ZNF536: variants seen among roughly 807,000 people sequenced by gnomAD.
The protein encoded by ZNF536 is zinc finger protein 536.
A neutral mutation model predicts 84.5 loss-of-function variants in ZNF536; 13 were observed. The observed-to-expected ratio is 0.15, with a 90% confidence interval of 0.10 to 0.24. The LOEUF is 0.24. Ranked by LOEUF, ZNF536 falls within the 10% of genes least tolerant of loss-of-function variation. ZNF536 has a pLI of 1.00. For missense variants in ZNF536, 1,536 were observed against 1,747.5 expected (o/e 0.88, Z 2.16); for synonymous variants, 811 against 742.5 (o/e 1.09, Z -1.50).
rs755923055 is a variant in ZNF536, at chr19:30,443,730, CGAG to C, written c.172_174del (p.Glu58del). ...CCGAGCTCCATCCCCGGCCCAACCCCGAGGAGAAGCCCCCCGCATCCCTGGAGG... is the reference window on the plus strand; with the variant it reads ...CCGAGCTCCATCCCCGGCCCAACCCCGAGAAGCCCCCCGCATCCCTGGAGG... On this transcript the variant is annotated inframe_deletion, in exon 2 of 5. Transcript: ENST00000355537. The C allele has an allele frequency of 1.9e-5, 30 of 1,613,008 alleles. No individual in the cohort carries two copies. The highest frequency in any genetic ancestry group is 2.4e-5 in the Non-Finnish European group (28 of 1,179,686).
intron 2 of ZNF536, among the ~76,000 whole-genome samples, chr19:30,290,711 G>A (rs1157821352): frequency 2.0e-5 from 3 of 152,174 alleles, no homozygotes; most frequent in Non-Finnish European, 4.4e-5. Flanking sequence ...TGGGATACAT[G>A]TGTAGAATGT....
intron 1 of ZNF536, among the ~76,000 whole-genome samples, chr19:30,389,492 C>T (rs903536054): frequency 4.6e-5 from 7 of 152,188 alleles, no homozygotes; most frequent in African/African-American, 1.7e-4. Context: ...CCATGCTTCA[C>T]AGCTCAGAAA....
intron 1 of ZNF536, among the ~76,000 whole-genome samples, chr19:30,425,377 C>T (rs1053701066): frequency 2.0e-5 from 3 of 152,150 alleles, no homozygotes; most frequent in Non-Finnish European, 2.9e-5. Context: ...GGACTCCTTT[C>T]GTTTCCAGTG....
At chr19:30,638,252 T>C (rs1290928493) in intron 1 of ZNF536, among the ~76,000 whole-genome samples, 3 of 152,368 alleles carry the variant, frequency 2.0e-5, no homozygotes, top group African/African-American at 4.8e-5. Context: ...TAAGGACTTT[T>C]AAGGTCTTAA....
At chr19:30,401,877 C>T (rs913835015) in intron 1 of ZNF536, among the ~76,000 whole-genome samples, 2 of 152,156 alleles carry the variant, frequency 1.3e-5, no homozygotes, top group Admixed American at 1.3e-4. Flanking sequence ...ATTTTTGTGA[C>T]AACTTATTTG....
intron 1 of ZNF536, among the ~76,000 whole-genome samples, chr19:30,427,927 A>G (rs1453397716): frequency 6.6e-6 from 1 of 151,918 alleles, no homozygotes; most frequent in Non-Finnish European, 1.5e-5. Context: ...TAAAAATGGA[A>G]CCTTGCTATT....
intron 1 of ZNF536, among the ~76,000 whole-genome samples, chr19:30,267,461 A>G (rs1474710204): frequency 6.6e-6 from 1 of 152,182 alleles, no homozygotes; most frequent in African/African-American, 2.4e-5. Context: ...TAGCACACGC[A>G]GAATAAAGGA....
At chr19:30,271,793 G>A (rs1431743998) in intron 1 of ZNF536, among the ~76,000 whole-genome samples, 1 of 152,174 alleles carries the variant, frequency 6.6e-6, no homozygotes, top group Non-Finnish European at 1.5e-5. Flanking sequence ...AGAGCTCCTT[G>A]CCCTATGTGT....
At chr19:30,457,128 T>C (rs2052892855) in intron 2 of ZNF536, among the ~76,000 whole-genome samples, 1 of 151,904 alleles carries the variant, frequency 6.6e-6, no homozygotes, top group African/African-American at 2.4e-5. Context: ...GGACAGGTAA[T>C]TCACAGAGTG....
intron 2 of ZNF536, among the ~76,000 whole-genome samples, chr19:30,306,190 ATTTT>A (rs201822113): frequency 0.019 from 2,499 of 132,864 alleles, 24 homozygotes; most frequent in Non-Finnish European, 0.027. Context: ...CCTGGAGAGA[ATTTT>A]TTTTTTTTTT....
intron 1 of ZNF536, among the ~76,000 whole-genome samples, chr19:30,274,347 A>C (rs1029925): frequency 0.29 from 44,270 of 152,238 alleles, 6,619 homozygotes; most frequent in Middle Eastern, 0.37. Context: ...CAAGTCATGC[A>C]TGCATTTTTG....
At chr19:30,507,024 C>T (rs1156242774) in intron 2 of ZNF536, among the ~76,000 whole-genome samples, 1 of 152,196 alleles carries the variant, frequency 6.6e-6, no homozygotes, top group Non-Finnish European at 1.5e-5. Context: ...TTGTGATCTG[C>T]TTTTGCCACT....
At chr19:30,462,867 G>A (rs1202735591) in intron 2 of ZNF536, among the ~76,000 whole-genome samples, 2 of 144,736 alleles carry the variant, frequency 1.4e-5, no homozygotes, top group African/African-American at 2.5e-5. Context: ...GTGTGTGTTG[G>A]GATGGGTGTA....
intron 1 of ZNF536, among the ~76,000 whole-genome samples, chr19:30,568,036 A>C (rs1266220823): frequency 6.6e-6 from 1 of 152,230 alleles, no homozygotes; most frequent in African/African-American, 2.4e-5. Context: ...ATGATAATTA[A>C]AAACATATGG....
intron 2 of ZNF536, among the ~76,000 whole-genome samples, chr19:30,458,770 G>A (rs1568452321): frequency 6.6e-6 from 1 of 152,014 alleles, no homozygotes; most frequent in Admixed American, 6.6e-5. Flanking sequence ...GCTGATTTTT[G>A]CATCTGAGCT....
intron 3 of ZNF536, among the ~76,000 whole-genome samples, chr19:30,364,947 T>A (rs898265594): frequency 2.0e-5 from 3 of 152,062 alleles, no homozygotes; most frequent in Non-Finnish European, 2.9e-5. Context: ...GTTCCAAGAG[T>A]AAAATGTTAG....
intron 1 of ZNF536, among the ~76,000 whole-genome samples, chr19:30,419,928 G>C (rs780065409): frequency 6.6e-6 from 1 of 152,222 alleles, no homozygotes. Flanking sequence ...AGGGGACAGA[G>C]TTCCCATCCG....
chr19:30,385,438 C>A (rs547221448), intron 1 of ZNF536, among the ~76,000 whole-genome samples: 1 of 152,076 alleles, frequency 6.6e-6, no homozygotes, highest in Non-Finnish European at 1.5e-5. Flanking sequence ...GGGTAACGAC[C>A]GTTACCCTGG....
At chr19:30,245,916 C>T (rs910928211) in intron 1 of ZNF536, among the ~76,000 whole-genome samples, 2 of 152,242 alleles carry the variant, frequency 1.3e-5, no homozygotes, top group African/African-American at 4.8e-5. Flanking sequence ...GCGTTGGAGT[C>T]AGGTTCTTTG....
Sources: gnomAD v4.1 joint callset for allele counts (sites outside exome capture counted in the v4.1 genomes callset) on GRCh38, gnomAD v4.1.1 for gene constraint, MANE v1.5 for transcripts, NCBI Gene and HGNC (gene_info 2026-07-23, HGNC 2026-07-21) for gene names.